Variants in ZHX3 observed in about 807,000 individuals in gnomAD.
The protein encoded by ZHX3 is zinc fingers and homeoboxes 3, also known as zinc fingers and homeoboxes protein 3.
ZHX3 carries 20 observed loss-of-function variants against 64.5 expected under a neutral mutation model. The observed-to-expected ratio is 0.31, with a 90% CI of 0.22 to 0.45. ZHX3 has a LOEUF of 0.45. ZHX3 is among the 20% of genes least tolerant of loss of function. The pLI is 1.00. For missense variants in ZHX3, 1,041 were observed against 1,195.8 expected (o/e 0.87, Z 1.91); for synonymous variants, 423 against 461.6 (o/e 0.92, Z 1.07).
At chr20:41,314,667 C>G (rs1329860117) in intron 1 of ZHX3, among the ~76,000 whole-genome samples, 1 of 152,208 alleles carries the variant, frequency 6.6e-6, no homozygotes, top group Non-Finnish European at 1.5e-5. Context: ...CAAGTTAAAT[C>G]AAGACCGTAA....
chr20:41,239,333 C>A (rs2041231722), intron 2 of ZHX3, among the ~76,000 whole-genome samples: 1 of 152,068 alleles, frequency 6.6e-6, no homozygotes, highest in Admixed American at 6.5e-5. Flanking sequence ...TTCTTTCTTT[C>A]TACTTCGTCA....
rs11317009 is a variant in ZHX3, at chr20:41,270,677, G to GA, written c.-244-1595dup. Among the ~76,000 whole-genome samples the GA allele has an allele frequency of 5.8e-3, 811 of 138,848 alleles. 8 individuals carry two copies. The highest frequency in any genetic ancestry group is 0.017 in the African/African-American group (634 of 38,422). 91.1% of individuals were successfully genotyped at this position (138,848 alleles called of 152,430 possible). A position where few individuals can be genotyped will look rare whatever the true frequency, so the allele number is the denominator to read the frequency against. On this transcript the variant is annotated intron_variant, in intron 1 of 3. Transcript: ENST00000683867. Reference sequence around the variant, plus strand: ...GTTGACAGAGTGAGACTCCGTCTCAGAAAAAAAAAAAAAAAGTATTATGCA... The same window carrying GA: ...GTTGACAGAGTGAGACTCCGTCTCAGAAAAAAAAAAAAAAAAGTATTATGCA...
chr20:41,273,752 G>GT (rs762994584), intron 1 of ZHX3, among the ~76,000 whole-genome samples: 28 of 152,158 alleles, frequency 1.8e-4, no homozygotes, highest in Non-Finnish European at 3.2e-4. Flanking sequence ...TAGCTTTGTA[G>GT]TATCTTTTGA....
intron 2 of ZHX3, among the ~76,000 whole-genome samples, chr20:41,259,980 A>T (rs1459764860): frequency 6.6e-6 from 1 of 152,222 alleles, no homozygotes; most frequent in Non-Finnish European, 1.5e-5. Context: ...AACCAAACTG[A>T]TAAGAATTTT....
At chr20:41,227,259 T>C (rs562946290) in intron 2 of ZHX3, among the ~76,000 whole-genome samples, 1 of 152,322 alleles carries the variant, frequency 6.6e-6, no homozygotes, top group East Asian at 1.9e-4. Context: ...TGAAGATACT[T>C]GTTCTGTCTT....
At chr20:41,310,490 G>A (rs2045099020) in intron 1 of ZHX3, among the ~76,000 whole-genome samples, 1 of 152,106 alleles carries the variant, frequency 6.6e-6, no homozygotes. Context: ...GAGCTGTCAA[G>A]CCCATTATGC....
intron 3 of ZHX3, among the ~76,000 whole-genome samples, chr20:41,191,376 T>C (rs2037005191): frequency 6.6e-6 from 1 of 152,234 alleles, no homozygotes; most frequent in African/African-American, 2.4e-5. Flanking sequence ...TGCTTTTTTA[T>C]GACATATATC....
intron 2 of ZHX3, among the ~76,000 whole-genome samples, chr20:41,241,813 A>C (rs2041397718): frequency 6.6e-6 from 1 of 152,184 alleles, no homozygotes; most frequent in South Asian, 2.1e-4. Context: ...TAGAGATTGC[A>C]TTGACTCTGT....
intron 2 of ZHX3, among the ~76,000 whole-genome samples, chr20:41,209,926 A>C (rs2039029476): frequency 6.6e-6 from 1 of 152,234 alleles, no homozygotes; most frequent in Non-Finnish European, 1.5e-5. Flanking sequence ...GAATGGGAGA[A>C]AATTTTTGCA....
In ZHX3 at chr20:41,270,545, A is replaced by G. The variant is rs187822968; in HGVS notation, c.-244-1462T>C. ...AAAAAAATTAGCTGTGTGTGGTGGCAGGCACCTGTAGTCCCAGCTACTCGG... is the reference window on the plus strand; with the variant it reads ...AAAAAAATTAGCTGTGTGTGGTGGCGGGCACCTGTAGTCCCAGCTACTCGG... On this transcript the variant is annotated intron_variant, in intron 1 of 3. Coordinates refer to ENST00000683867, the MANE Select transcript of ZHX3 (RefSeq NM_001384317.1). 8.6e-4 allele frequency among the ~76,000 whole-genome samples: 131 copies of G among 151,836 alleles called. 2 individuals carry two copies. The East Asian group carries it at 0.021, about 24-fold the overall frequency.
At chr20:41,305,822 A>C (rs1159524027) in intron 1 of ZHX3, among the ~76,000 whole-genome samples, 1 of 151,992 alleles carries the variant, frequency 6.6e-6, no homozygotes, top group African/African-American at 2.4e-5. Context: ...AATAAACCCC[A>C]ACCAACGACC....
intron 2 of ZHX3, among the ~76,000 whole-genome samples, chr20:41,255,908 T>C (rs2042226680): frequency 6.6e-6 from 1 of 152,224 alleles, no homozygotes; most frequent in Non-Finnish European, 1.5e-5. Flanking sequence ...CTGTAGGCAC[T>C]GAGCAAACTC....
Position 41,277,745 on chromosome 20 carries a change from C to A in ZHX3, c.-244-8662G>T. 1.4e-5 allele frequency among the ~76,000 whole-genome samples: 2 copies of A among 141,556 alleles called. 1 individual carries two copies. Among genetic ancestry groups the A allele is most frequent in the Non-Finnish European group, 3.1e-5 (2 of 64,446 alleles). The allele number at this position is 141,556 out of a possible 152,430, so 92.9% of individuals were successfully genotyped here. A position where few individuals can be genotyped will look rare whatever the true frequency, so the allele number is the denominator to read the frequency against. ...TAGCTGGGACTACAGGCGCCCGCTACCATGCCTGGCTAATTTTTTGTATTT... is the reference window on the plus strand; with the variant it reads ...TAGCTGGGACTACAGGCGCCCGCTAACATGCCTGGCTAATTTTTTGTATTT... On this transcript the variant is annotated intron_variant, in intron 1 of 3. Transcript: ENST00000683867.
chr20:41,287,664 C>T (rs942692264), intron 1 of ZHX3, among the ~76,000 whole-genome samples: 12 of 152,178 alleles, frequency 7.9e-5, no homozygotes, highest in African/African-American at 2.7e-4. Context: ...TGGTGAGAGA[C>T]TGAGGCCTAG....
intron 1 of ZHX3, among the ~76,000 whole-genome samples, chr20:41,270,741 A>G (rs1375393930): frequency 6.6e-6 from 1 of 151,956 alleles, no homozygotes; most frequent in Non-Finnish European, 1.5e-5. Flanking sequence ...CTGGGCAAAT[A>G]TAACTGTGCA....
At chr20:41,311,845 A>G (rs1404362338) in intron 1 of ZHX3, among the ~76,000 whole-genome samples, 5 of 152,266 alleles carry the variant, frequency 3.3e-5, no homozygotes, top group Non-Finnish European at 7.3e-5. Flanking sequence ...GACCTGGTAC[A>G]TACGAATTCT....
chr20:41,296,215 T>C (rs1221072278), intron 1 of ZHX3, among the ~76,000 whole-genome samples: 2 of 125,768 alleles, frequency 1.6e-5, no homozygotes, highest in Admixed American at 9.3e-5. Flanking sequence ...TTTTCCCTTC[T>C]CCTCAAGTTC....
intron 1 of ZHX3, among the ~76,000 whole-genome samples, chr20:41,279,465 C>T (rs2043562134): frequency 6.6e-6 from 1 of 152,026 alleles, no homozygotes; most frequent in African/African-American, 2.4e-5. Flanking sequence ...GGTTAAACCA[C>T]CTCAAGTTCC....
At chr20:41,208,577 C>T (rs1210459836) in intron 2 of ZHX3, among the ~76,000 whole-genome samples, 1 of 152,098 alleles carries the variant, frequency 6.6e-6, no homozygotes, top group African/African-American at 2.4e-5. Context: ...ATAAACAGAA[C>T]CAAAGACAAA....
Sources: allele counts gnomAD v4.1 joint callset (sites outside exome capture counted in the v4.1 genomes callset), GRCh38; gene constraint gnomAD v4.1.1; transcripts MANE v1.5; gene names NCBI Gene and HGNC (gene_info 2026-07-23, HGNC 2026-07-21).